The following USP49 variants were observed in gnomAD, a reference collection of about 807,000 sequenced individuals.
USP49 encodes the protein ubiquitin carboxyl-terminal hydrolase 49.
A neutral mutation model predicts 58.6 loss-of-function variants in USP49; 24 were observed. The observed-to-expected ratio is 0.41, with a 90% CI of 0.30 to 0.58. The LOEUF (loss-of-function observed/expected upper bound fraction) is 0.58. Among genes scored for constraint, USP49 ranks in the 20% least tolerant of loss-of-function variants. The probability of loss-of-function intolerance (pLI) is 0.30; values close to 1 mark genes in which losing one functional copy is unlikely to be tolerated. For synonymous variants in USP49, 408 were observed against 365.1 expected (o/e 1.12, Z -1.34); for missense variants, 703 against 866.1 (o/e 0.81, Z 2.36).
intron 2 of USP49, among the ~76,000 whole-genome samples, chr6:41,885,062 T>C (rs1774685114): frequency 6.6e-6 from 1 of 152,212 alleles, no homozygotes; most frequent in Non-Finnish European, 1.5e-5. Context: ...TTTTGGAGGA[T>C]AAATTTTTTC....
chr6:41,869,740 C>G (rs761313628), intron 3 of USP49: 2 of 151,288 alleles, frequency 1.3e-5, no homozygotes, highest in Non-Finnish European at 2.9e-5. Context: ...AAAAAAAACT[C>G]AAGAAGGCAT....
In USP49 at chr6:41,792,436, T is replaced by G. The variant is rs1317488518; in HGVS notation, c.*4097A>C. Reference sequence around the variant, plus strand: ...AGACTAAAAGGCCTTTTCTCAACATTTGTGCTCTCCCAACCACCTGGGAAA... The same window carrying G: ...AGACTAAAAGGCCTTTTCTCAACATGTGTGCTCTCCCAACCACCTGGGAAA... On this transcript the variant is annotated 3_prime_UTR_variant, in exon 8 of 8. Transcript: ENST00000682992. 1 of 152,216 alleles carries G rather than the reference T, an allele frequency of 6.6e-6. No homozygotes were observed. The highest frequency in any genetic ancestry group is 2.4e-5 in the African/African-American group (1 of 41,456). The allele number at this position is 152,216 out of a possible 1,614,324, so 9.4% of individuals were successfully genotyped here.
chr6:41,877,328 C>T (rs539699056), intron 2 of USP49, among the ~76,000 whole-genome samples: 2 of 152,266 alleles, frequency 1.3e-5, no homozygotes, highest in African/African-American at 4.8e-5. Flanking sequence ...TCATTTGCCA[C>T]ATTAATTGAC....
At position 41,798,876 on chromosome 6, in the gene USP49, T is replaced by A. The variant is rs776721543; in HGVS notation, c.1724A>T (p.Gln575Leu). 2.5e-6 allele frequency: 4 copies of A among 1,613,888 alleles called. No homozygotes were observed. The highest frequency in any genetic ancestry group is 3.4e-6 in the Non-Finnish European group (4 of 1,180,010). ...GCAGTAAGGTTCCATGGTTAATACC[T>A]GGTCAAAGACGACATGGACCCCAAT... ...EKIGVHVVFD[Q>L]VLTMEPYCCR... is the part of the protein sequence containing the mutation. The change falls in exon 7 of 8, where the codon CAG becomes CTG. Residue 575 changes from glutamine to leucine, a missense_variant. Gln to Leu is a moderately radical substitution (Grantham distance 113, BLOSUM62 -2). Around this residue, in one of 6 missense-constraint regions of USP49, gnomAD observed 158 missense variants for 241.2 expected, o/e 0.66. Transcript: ENST00000682992.
chr6:41,847,437 C>T (rs1424056519), intron 3 of USP49, among the ~76,000 whole-genome samples: 1 of 152,100 alleles, frequency 6.6e-6, no homozygotes, highest in Non-Finnish European at 1.5e-5. Context: ...GTAGAGTCAG[C>T]CGGGTGCAGT....
Position 41,802,452 on chromosome 6 carries a change from A to T in USP49, c.1561+1354T>A, listed in dbSNP as rs201648438. Among the ~76,000 whole-genome samples the T allele has an allele frequency of 6.7e-3, 426 of 63,510 alleles. 10 individuals are homozygous for T. The highest frequency in any genetic ancestry group is 8.2e-3 in the South Asian group (18 of 2,188). 41.7% of individuals were successfully genotyped at this position (63,510 alleles called of 152,430 possible). The stretch of plus-strand genomic sequence containing the variant: ...ATTTTATTTATTTATTTATTTATTT[A>T]TTTATTTATTTATTTATTTTTTATT... On this transcript the variant is annotated intron_variant, in intron 5 of 7. Coordinates refer to ENST00000682992, the MANE Select transcript of USP49 (RefSeq NM_001286554.2).
At chr6:41,884,019 C>G (rs1211687425) in intron 2 of USP49, among the ~76,000 whole-genome samples, 1 of 151,934 alleles carries the variant, frequency 6.6e-6, no homozygotes, top group East Asian at 1.9e-4. Context: ...TCCACATGAA[C>G]AGATCTTTTT....
At chr6:41,890,459 T>C (rs891345578) in intron 2 of USP49, among the ~76,000 whole-genome samples, 4 of 151,512 alleles carry the variant, frequency 2.6e-5, no homozygotes, top group African/African-American at 4.9e-5. Flanking sequence ...ACATCTGTAA[T>C]ACCAGCACTT....
chr6:41,865,537 T>C (rs987600829), intron 3 of USP49, among the ~76,000 whole-genome samples: 64 of 152,030 alleles, frequency 4.2e-4, no homozygotes, highest in Non-Finnish European at 7.6e-4. Context: ...GAGTGGGTCA[T>C]AGTATATTGC....
intron 3 of USP49, 92 bp from the exon 4 acceptor site, chr6:41,807,103 T>C: frequency 8.5e-7 from 1 of 1,171,734 alleles, no homozygotes; most frequent in Non-Finnish European, 1.1e-6. Context: ...AGTAAAAGGC[T>C]TGCAATTGAT....
intron 3 of USP49, among the ~76,000 whole-genome samples, chr6:41,823,641 T>G (rs555364826): frequency 2.6e-5 from 4 of 152,230 alleles, no homozygotes; most frequent in South Asian, 4.2e-4. Context: ...CAAGGTAATT[T>G]CTAGTCTTCT....
At chr6:41,834,332 A>C (rs1052397560) in intron 3 of USP49, among the ~76,000 whole-genome samples, 3 of 152,242 alleles carry the variant, frequency 2.0e-5, no homozygotes, top group African/African-American at 7.2e-5. Flanking sequence ...AATAACAGCA[A>C]TAAAAATTAG....
At chr6:41,832,018 A>T (rs1018046791) in intron 3 of USP49, among the ~76,000 whole-genome samples, 1 of 151,982 alleles carries the variant, frequency 6.6e-6, no homozygotes, top group African/African-American at 2.4e-5. Context: ...TACCCAGTGA[A>T]TCTCTCCCTC....
intron 2 of USP49, among the ~76,000 whole-genome samples, chr6:41,889,831 A>C (rs1183996731): frequency 6.6e-6 from 1 of 152,244 alleles, no homozygotes; most frequent in East Asian, 1.9e-4. Context: ...CTTGTTTAAA[A>C]ATACTCAAGT....
intron 5 of USP49, among the ~76,000 whole-genome samples, chr6:41,802,400 ATTTTATT>A (rs1313019620): frequency 4.1e-5 from 5 of 121,392 alleles, no homozygotes; most frequent in South Asian, 4.9e-4. Flanking sequence ...ATTTTATTTT[ATTTTATT>A]TTTTATTTTA....
intron 2 of USP49, among the ~76,000 whole-genome samples, chr6:41,874,800 A>C (rs1222202878): frequency 6.6e-6 from 1 of 152,126 alleles, no homozygotes; most frequent in Non-Finnish European, 1.5e-5. Context: ...CTACCTCTAC[A>C]AAAAATAATT....
At chr6:41,859,069 C>T (rs1039241482) in intron 3 of USP49, among the ~76,000 whole-genome samples, 35 of 152,326 alleles carry the variant, frequency 2.3e-4, no homozygotes, top group African/African-American at 8.2e-4. Flanking sequence ...TTCTAGCCCA[C>T]ATTACTGCAA....
Position 41,791,352 on chromosome 6 carries a change from C to T in USP49, c.*5181G>A, listed in dbSNP as rs1392387529. The T allele has an allele frequency of 2.0e-5, 3 of 152,216 alleles. No individual in the cohort carries two copies. Among genetic ancestry groups the T allele is most frequent in the African/African-American group, 7.2e-5 (3 of 41,454 alleles). The allele number at this position is 152,216 out of a possible 1,614,324, so 9.4% of individuals were successfully genotyped here. ...TCTTGAGCTCCTGGCCTCAAGCAAT[C>T]CTCCCACCTTGGCCTCCCAAAGTGT... On this transcript the variant is annotated 3_prime_UTR_variant, in exon 8 of 8. Transcript: ENST00000682992.
chr6:41,892,158 G>C (rs545913221), intron 1 of USP49, among the ~76,000 whole-genome samples: 2 of 151,884 alleles, frequency 1.3e-5, no homozygotes, highest in African/African-American at 2.4e-5. Context: ...CACTAAGGCC[G>C]TTGCATACAG....
Sources: allele counts gnomAD v4.1 joint callset (sites outside exome capture counted in the v4.1 genomes callset), GRCh38; gene constraint gnomAD v4.1.1; regional missense constraint gnomAD v4.1.1; transcripts MANE v1.5; gene names NCBI Gene and HGNC (gene_info 2026-07-23, HGNC 2026-07-21).